Variants in NOXRED1 observed in about 807,000 individuals in gnomAD.
NOXRED1 encodes NADP-dependent oxidoreductase domain-containing protein 1.
NOXRED1 carries 20 observed loss-of-function variants against 30.4 expected under a neutral mutation model. That is an observed-to-expected ratio of 0.66 (90% CI 0.46 to 0.96). The LOEUF is 0.96. Among genes scored for constraint, NOXRED1 ranks in the 40% least tolerant of loss-of-function variants. The probability of loss-of-function intolerance (pLI) is 0.00; values close to 1 mark genes in which losing one functional copy is unlikely to be tolerated. For synonymous variants in NOXRED1, 155 were observed against 168.0 expected (o/e 0.92, Z 0.60); for missense variants, 374 against 428.0 (o/e 0.87, Z 1.11).
chr14:77,396,740 T>G (rs1894198137), intron 5 of NOXRED1, among the ~76,000 whole-genome samples: 3 of 152,182 alleles, frequency 2.0e-5, no homozygotes, highest in African/African-American at 7.2e-5. Flanking sequence ...CAATAAAACA[T>G]GTACAAGACT....
At position 77,406,006 on chromosome 14, in the gene NOXRED1, A is replaced by C. The variant is rs1375171342; in HGVS notation, c.812T>G (p.Phe271Cys). 6.2e-7 allele frequency: 1 copy of C among 1,613,846 alleles called. No homozygotes were observed. The highest frequency in any genetic ancestry group is 2.2e-5 in the East Asian group (1 of 44,884). Residue 271 changes from phenylalanine to cysteine, a missense_variant, in exon 5 of 6, where the codon TTT becomes TGT. Physicochemically the swap from Phe to Cys is radical, Grantham distance 205. Transcript: ENST00000380835. ...LLSELFLSVH[F>C]EDCGKDTASC... ...TGCTGTGTCTTTCCCACAGTCTTCA[A>C]AGTGCACGGAGAGAAAGAGTTCACT...
At chr14:77,394,928 C>A (rs547553091) in intron 5 of NOXRED1, 123 bp from the exon 6 acceptor site, 2 of 621,822 alleles carry the variant, frequency 3.2e-6, no homozygotes, top group Admixed American at 3.0e-5. Context: ...ACATTAATAC[C>A]TTTTCATAAA....
At chr14:77,413,715 C>A (rs1894724513) in intron 2 of NOXRED1, among the ~76,000 whole-genome samples, 1 of 152,086 alleles carries the variant, frequency 6.6e-6, no homozygotes, top group African/African-American at 2.4e-5. Context: ...ACCAAGGGCA[C>A]AGGGAGGAGA....
At chr14:77,416,560 T>A (rs564010658) in intron 1 of NOXRED1, among the ~76,000 whole-genome samples, 4 of 152,318 alleles carry the variant, frequency 2.6e-5, no homozygotes, top group South Asian at 2.1e-4. Context: ...AGAAGAATTT[T>A]TCTTAGTACA....
intron 5 of NOXRED1, among the ~76,000 whole-genome samples, chr14:77,404,238 G>T (rs1894400061): frequency 1.3e-5 from 2 of 152,202 alleles, no homozygotes. Flanking sequence ...CAACAGAAAA[G>T]TGAGGGGAAT....
At chr14:77,408,255 G>C (rs1223491548) in intron 2 of NOXRED1, among the ~76,000 whole-genome samples, 1 of 152,100 alleles carries the variant, frequency 6.6e-6, no homozygotes, top group Non-Finnish European at 1.5e-5. Context: ...GTCACCTGTG[G>C]TGTGATCATG....
At chr14:77,405,167 G>T (rs1272374373) in intron 5 of NOXRED1, among the ~76,000 whole-genome samples, 1 of 152,208 alleles carries the variant, frequency 6.6e-6, no homozygotes, top group Non-Finnish European at 1.5e-5. Flanking sequence ...GGCCAAGGCG[G>T]GCGGATCACT....
chr14:77,417,244 C>T (rs2139697617), intron 1 of NOXRED1, among the ~76,000 whole-genome samples: 1 of 151,966 alleles, frequency 6.6e-6, no homozygotes, highest in Middle Eastern at 3.5e-3. Context: ...GTTCCATGTG[C>T]ACTTGAAAAG....
At chr14:77,405,777 C>T (rs1299408860) in intron 5 of NOXRED1, 136 bp downstream of exon 5, 3 of 614,772 alleles carry the variant, frequency 4.9e-6, no homozygotes, top group Non-Finnish European at 8.6e-6. Flanking sequence ...TACTTTTCCA[C>T]TAGTTGAAAT....
chr14:77,409,441 C>T (rs1894583260), intron 2 of NOXRED1, among the ~76,000 whole-genome samples: 2 of 152,200 alleles, frequency 1.3e-5, no homozygotes, highest in African/African-American at 4.8e-5. Context: ...CACCTTCCAC[C>T]ATGACTGTAA....
chr14:77,413,239 C>CTT (rs869173262), intron 2 of NOXRED1, among the ~76,000 whole-genome samples: 35 of 137,176 alleles, frequency 2.6e-4, no homozygotes, highest in East Asian at 6.2e-4. Context: ...CATTACAAAA[C>CTT]TTTTTTTTTT....
intron 2 of NOXRED1, among the ~76,000 whole-genome samples, chr14:77,408,994 AT>A (rs67319875): frequency 1 from 148,628 of 148,628 alleles, 74,314 homozygotes; most frequent in Non-Finnish European, 1. Context: ...AGCCTCCCAA[AT>A]GTGCTGGGAT....
intron 1 of NOXRED1, among the ~76,000 whole-genome samples, chr14:77,419,875 C>A (rs916612506): frequency 6.6e-6 from 1 of 152,082 alleles, no homozygotes; most frequent in African/African-American, 2.4e-5. Flanking sequence ...TGATAAGTTG[C>A]TTTTTCTTTG....
At chr14:77,410,150 T>C (rs577402692) in intron 2 of NOXRED1, among the ~76,000 whole-genome samples, 20 of 151,034 alleles carry the variant, frequency 1.3e-4, no homozygotes, top group African/African-American at 3.4e-4. Flanking sequence ...AAAAAAAAAA[T>C]GGCCAGGTGT....
chr14:77,409,646 G>C (rs562578916), intron 2 of NOXRED1, among the ~76,000 whole-genome samples: 4 of 152,258 alleles, frequency 2.6e-5, no homozygotes, highest in South Asian at 2.1e-4. Flanking sequence ...CATAGAAGCT[G>C]ATGTTGAGCA....
chr14:77,403,290 A>G (rs547593358), intron 5 of NOXRED1, among the ~76,000 whole-genome samples: 2 of 152,342 alleles, frequency 1.3e-5, no homozygotes, highest in African/African-American at 4.8e-5. Flanking sequence ...AAATAGAATG[A>G]AACATAGAAT....
chr14:77,404,346 G>A (rs989123152), intron 5 of NOXRED1, among the ~76,000 whole-genome samples: 8 of 152,220 alleles, frequency 5.3e-5, no homozygotes, highest in Non-Finnish European at 1.0e-4. Context: ...TACGAAAGAT[G>A]AGGAAGAAGA....
chr14:77,414,409 G>A (rs1894758199), intron 1 of NOXRED1, among the ~76,000 whole-genome samples: 1 of 152,052 alleles, frequency 6.6e-6, no homozygotes, highest in South Asian at 2.1e-4. Flanking sequence ...TCCATCTCCT[G>A]ACCTCGTGAT....
In NOXRED1 at chr14:77,422,737, C is replaced by G. The variant is rs762054982; in HGVS notation, c.153G>C (p.Leu51Phe). 1.2e-6 allele frequency: 2 copies of G among 1,614,072 alleles called. No individual in the cohort carries two copies. The highest frequency in any genetic ancestry group is 1.7e-6 in the Non-Finnish European group (2 of 1,179,946). Reference sequence around the variant, plus strand: ...CTGAATTTGGATACTCGGCTTACCTCAAATTATATAATAGTTTGCAGAAGA... The same window carrying G: ...CTGAATTTGGATACTCGGCTTACCTGAAATTATATAATAGTTTGCAGAAGA... ...ATFFCKLLYN[L>F]RASLNKNQSS... Residue 51 changes from leucine (L) to phenylalanine (F), a missense_variant and splice_region_variant, in exon 1 of 6, where the codon TTG becomes TTC. Coordinates refer to ENST00000380835, the MANE Select transcript of NOXRED1 (RefSeq NM_001113475.3).
Sources: gnomAD v4.1 joint callset for allele counts (sites outside exome capture counted in the v4.1 genomes callset) on GRCh38, gnomAD v4.1.1 for gene constraint, MANE v1.5 for transcripts, NCBI Gene and HGNC (gene_info 2026-07-23, HGNC 2026-07-21) for gene names.